LCP2: variants seen among roughly 807,000 people sequenced by gnomAD.
LCP2 encodes the protein lymphocyte cytosolic protein 2.
A neutral mutation model predicts 74.5 loss-of-function variants in LCP2; 29 were observed. The ratio of observed to expected loss-of-function variants is 0.39; its 90% confidence interval spans 0.29 to 0.53. The LOEUF is 0.53. Ranked by LOEUF, LCP2 falls within the 20% of genes least tolerant of loss-of-function variation. The pLI, the probability that LCP2 is intolerant of heterozygous loss-of-function variation, is 0.72. For synonymous variants in LCP2, 228 were observed against 229.5 expected, an observed-to-expected ratio of 0.99 and a Z score of 0.06; for missense variants, 604 against 634.6, an observed-to-expected ratio of 0.95 and a Z score of 0.52.
rs432621 is a variant in LCP2 at position 170,259,003 on chromosome 5, T to C, written c.958-125A>G. ...TGTTTCTTTCTCTGGCAGTTATACA[T>C]CTTCATAATAAATATACTGTGGAGA... On this transcript the variant is annotated intron_variant, in intron 14 of 20. Coordinates refer to ENST00000046794, the MANE Select transcript of LCP2 (RefSeq NM_005565.5). The C allele has an allele frequency of 0.49, 319,541 of 648,196 alleles. 79,842 individuals carry two copies. The highest frequency in any genetic ancestry group is 0.55 in the Middle Eastern group (1,903 of 3,478). The allele number at this position is 648,196 out of a possible 1,614,324, so 40.2% of individuals were successfully genotyped here. A position where few individuals can be genotyped will look rare whatever the true frequency, so the allele number is the denominator to read the frequency against.
intron 19 of LCP2, chr5:170,251,943 C>T (rs770721559): frequency 1.6e-5 from 4 of 243,420 alleles, no homozygotes; most frequent in East Asian, 8.4e-5. Flanking sequence ...GGTAAAGTTT[C>T]GGCACTGGCT....
chr5:170,258,224 A>T lies in LCP2; in HGVS notation c.971-58T>A, dbSNP rs888873516. 8.9e-6 allele frequency: 14 copies of T among 1,580,550 alleles called. No homozygotes were observed. In the African/African-American group the frequency reaches 1.9e-4, roughly 21 times the overall value. On this transcript the variant is annotated intron_variant, in intron 15 of 20. Coordinates refer to ENST00000046794, the MANE Select transcript of LCP2 (RefSeq NM_005565.5). ...GGCAGGCCCCAGCTGTCACTAAGAA[A>T]CATTCCATAACCGCCCCCCAGTTAG...
chr5:170,270,695 G>A (rs961691053), intron 7 of LCP2, 24 bp downstream of exon 7: 28 of 1,540,932 alleles, frequency 1.8e-5, no homozygotes, highest in Non-Finnish European at 2.4e-5. Context: ...GCTCGGGCCA[G>A]AAAATCCGGA....
intron 2 of LCP2, among the ~76,000 whole-genome samples, chr5:170,288,224 C>T (rs1317372327): frequency 7.4e-6 from 1 of 135,138 alleles, no homozygotes; most frequent in African/African-American, 2.7e-5. Context: ...GCTGGATCTG[C>T]TTTTACAAAG....
chr5:170,286,571 G>T (rs1762186024), intron 3 of LCP2, among the ~76,000 whole-genome samples: 2 of 152,304 alleles, frequency 1.3e-5, no homozygotes, highest in South Asian at 4.1e-4. Flanking sequence ...AGTGCCTCAG[G>T]GGAATGAATT....
At chr5:170,293,285 G>T in intron 2 of LCP2, 25 bp downstream of exon 2, 1 of 1,599,908 alleles carries the variant, frequency 6.3e-7, no homozygotes, top group Non-Finnish European at 8.5e-7. Flanking sequence ...CTTGGTTTCA[G>T]TGTGTTGGAC....
rs146983605 is a variant in LCP2 at position 170,267,360 on chromosome 5, G to T, written c.622-285C>A. The T allele has an allele frequency of 2.0e-5, 10 of 509,356 alleles. 1 individual carries two copies. In the East Asian group the frequency reaches 3.5e-4, roughly 18 times the overall value. The allele number at this position is 509,356 out of a possible 1,614,324, so 31.6% of individuals were successfully genotyped here. On this transcript the variant is annotated intron_variant, in intron 8 of 20. Transcript: ENST00000046794. ...AAATTGAAACTCGTTAATGTCCTGCGAGGCCCTGCCTGAGCTGGCCCATGT... is the reference window on the plus strand; with the variant it reads ...AAATTGAAACTCGTTAATGTCCTGCTAGGCCCTGCCTGAGCTGGCCCATGT...
intron 13 of LCP2, among the ~76,000 whole-genome samples, chr5:170,261,407 G>GTGTGTGTGTA (rs150577805): frequency 6.8e-6 from 1 of 146,232 alleles, no homozygotes; most frequent in East Asian, 2.1e-4. Context: ...GTGTGTGTGT[G>GTGTGTGTGTA]TATATATATA....
intron 7 of LCP2, 83 bp downstream of exon 7, chr5:170,270,636 G>T: frequency 7.8e-7 from 1 of 1,274,972 alleles, no homozygotes; most frequent in Non-Finnish European, 1.1e-6. Context: ...ACATGGGCAA[G>T]CTGGGGCATC....
At chr5:170,278,876 C>T (rs1372050279) in intron 3 of LCP2, among the ~76,000 whole-genome samples, 1 of 152,068 alleles carries the variant, frequency 6.6e-6, no homozygotes, top group East Asian at 1.9e-4. Context: ...AGTGTGGGCT[C>T]CCAGGGTCCT....
chr5:170,263,679 T>A (rs1222583371), intron 10 of LCP2, among the ~76,000 whole-genome samples: 1 of 152,238 alleles, frequency 6.6e-6, no homozygotes, highest in Admixed American at 6.5e-5. Context: ...TTGTATTCTA[T>A]CTAAAGTCCC....
chr5:170,296,009 T>C (rs1003804277), intron 1 of LCP2, among the ~76,000 whole-genome samples: 1 of 152,204 alleles, frequency 6.6e-6, no homozygotes, highest in African/African-American at 2.4e-5. Flanking sequence ...TCAATTGGAT[T>C]GTATAATTCT....
chr5:170,252,194 A>T, intron 19 of LCP2: 1 of 343,554 alleles, frequency 2.9e-6, no homozygotes, highest in Non-Finnish European at 5.4e-6. Context: ...ATCTCCTAAG[A>T]TGCTGCCAAC....
At chr5:170,273,980 C>A in intron 6 of LCP2, 1 of 364,218 alleles carries the variant, frequency 2.7e-6, no homozygotes, top group Non-Finnish European at 5.2e-6. Context: ...AAAGTACAGC[C>A]TAGGGCCACG....
Position 170,256,670 on chromosome 5 carries a change from T to C in LCP2, c.1101-95A>G. 1.2e-6 allele frequency: 1 copy of C among 865,856 alleles called. No individual in the cohort carries two copies. The highest frequency in any genetic ancestry group is 2.0e-6 in the Non-Finnish European group (1 of 507,458). The allele number at this position is 865,856 out of a possible 1,614,324, so 53.6% of individuals were successfully genotyped here. On this transcript the variant is annotated intron_variant, in intron 16 of 20. Transcript: ENST00000046794. This position sits in a 1 kb window ranked among gnomAD's most constrained non-coding sequence, Gnocchi z 4.5. ...AGGGAAGCCAGGCTGCAAATGCTTC[T>C]TGATTTGGTATCACTTTCCCTGCTG...
In LCP2 at chr5:170,258,163, T is replaced by A. The variant is rs1432237669; in HGVS notation, c.974A>T (p.His325Leu). 1.2e-6 allele frequency: 2 copies of A among 1,613,810 alleles called. No homozygotes were observed. The highest frequency in any genetic ancestry group is 2.7e-5 in the African/African-American group (2 of 74,920). Residue 325 changes from histidine to leucine, a missense_variant, in exon 16 of 21, where the codon CAT (histidine) becomes CTT (leucine). Physicochemically the swap from His to Leu is moderately conservative, Grantham distance 99 (BLOSUM62 -3). Transcript: ENST00000046794. ...TGCTGGCTGGGGCAAAGGTCTCTGA[T>A]GCACTGTGCAGAAGTAGAAAACAAT... ...DRRENDEDDVHQRPLPQPALL... is the reference protein window; with the variant it reads ...DRRENDEDDVLQRPLPQPALL...
intron 17 of LCP2, among the ~76,000 whole-genome samples, chr5:170,254,051 C>T (rs1761505211): frequency 6.6e-6 from 1 of 152,106 alleles, no homozygotes; most frequent in South Asian, 2.1e-4. Flanking sequence ...TCATTCATAC[C>T]TTCAACAAAT....
intron 13 of LCP2, among the ~76,000 whole-genome samples, chr5:170,261,807 G>A (rs1295568725): frequency 6.6e-6 from 1 of 152,152 alleles, no homozygotes; most frequent in Non-Finnish European, 1.5e-5. Context: ...GGGAAGAGCT[G>A]GACAATTTGT....
intron 3 of LCP2, among the ~76,000 whole-genome samples, chr5:170,287,525 T>C (rs1762203495): frequency 6.6e-6 from 1 of 152,226 alleles, no homozygotes; most frequent in Non-Finnish European, 1.5e-5. Flanking sequence ...CCCTGTCAGA[T>C]ATTTCCAAGC....
Sources: gnomAD v4.1 joint callset for allele counts (sites outside exome capture counted in the v4.1 genomes callset) on GRCh38, gnomAD v4.1.1 for gene constraint, Gnocchi (gnomAD v3.1) non-coding constraint, MANE v1.5 for transcripts, NCBI Gene and HGNC (gene_info 2026-07-23, HGNC 2026-07-21) for gene names.